Variants in IQCJ observed in about 807,000 individuals in gnomAD.
IQCJ encodes the protein IQ motif containing J, also known as IQ domain-containing protein J.
In IQCJ, 9 loss-of-function variants were observed where a neutral mutation model predicts 11.0. That is an observed-to-expected ratio of 0.82 (90% CI 0.49 to 1.43). The LOEUF (loss-of-function observed/expected upper bound fraction) is 1.43. Ranked by LOEUF, IQCJ falls within the 40% of genes most tolerant of loss-of-function variation. IQCJ has a pLI of 0.00. For synonymous variants in IQCJ, 55 were observed against 51.3 expected, an observed-to-expected ratio of 1.07 and a Z score of -0.31; for missense variants, 146 against 133.2, an observed-to-expected ratio of 1.10 and a Z score of -0.47.
intron 1 of IQCJ, among the ~76,000 whole-genome samples, chr3:159,109,533 A>AAG (rs1553776685): frequency 6.6e-6 from 1 of 151,126 alleles, no homozygotes; most frequent in Non-Finnish European, 1.5e-5. Flanking sequence ...TAACTAAAAA[A>AAG]AAAAAAAAAA....
intron 1 of IQCJ, among the ~76,000 whole-genome samples, chr3:159,179,427 C>T (rs1454637192): frequency 6.6e-6 from 1 of 152,108 alleles, no homozygotes; most frequent in African/African-American, 2.4e-5. Context: ...TTCCAGGAAC[C>T]TATCAAACTG....
intron 1 of IQCJ, among the ~76,000 whole-genome samples, chr3:159,165,676 C>T (rs1450623478): frequency 2.0e-5 from 3 of 150,894 alleles, no homozygotes; most frequent in Admixed American, 6.6e-5. Flanking sequence ...TGCAGTGGCT[C>T]GACCTCGGCT....
At chr3:159,248,702 C>T (rs758313703) in intron 2 of IQCJ, among the ~76,000 whole-genome samples, 21 of 152,126 alleles carry the variant, frequency 1.4e-4, no homozygotes, top group Non-Finnish European at 2.2e-4. Flanking sequence ...AGCTCTAACA[C>T]GGAGTTGGGG....
intron 1 of IQCJ, among the ~76,000 whole-genome samples, chr3:159,121,252 G>C (rs1256184008): frequency 1.3e-5 from 2 of 151,322 alleles, no homozygotes; most frequent in Non-Finnish European, 2.9e-5. Flanking sequence ...TCTCACCCCA[G>C]CTTCCTGAAT....
intron 1 of IQCJ, among the ~76,000 whole-genome samples, chr3:159,164,493 C>A (rs7616733): frequency 6.6e-6 from 1 of 152,152 alleles, no homozygotes; most frequent in Admixed American, 6.5e-5. Context: ...GCTCTCCAGG[C>A]GCGGTGGCTA....
downstream of IQCJ, among the ~76,000 whole-genome samples, chr3:159,264,098 A>G (rs1181124772): frequency 4.6e-5 from 7 of 152,112 alleles, no homozygotes; most frequent in African/African-American, 1.7e-4. Flanking sequence ...AATGATGGAA[A>G]CTCAATATTA....
chr3:159,110,681 C>T (rs207463951), intron 1 of IQCJ, among the ~76,000 whole-genome samples: 4 of 152,138 alleles, frequency 2.6e-5, no homozygotes, highest in East Asian at 1.9e-4. Context: ...CAGCACCCAG[C>T]GCAGTACCTG....
At chr3:159,234,634 A>G (rs938949243) in intron 1 of IQCJ, among the ~76,000 whole-genome samples, 10 of 152,184 alleles carry the variant, frequency 6.6e-5, no homozygotes, top group Admixed American at 3.3e-4. Flanking sequence ...TCTCTACAAT[A>G]ATAAAAATAA....
chr3:159,232,047 GTCTA>G (rs1358998164), intron 1 of IQCJ, among the ~76,000 whole-genome samples: 4 of 152,028 alleles, frequency 2.6e-5, no homozygotes, highest in African/African-American at 4.8e-5. Context: ...CTGGCTAGTG[GTCTA>G]TCTATTTTGT....
At chr3:159,209,868 C>T (rs962027770) in intron 1 of IQCJ, among the ~76,000 whole-genome samples, 1 of 152,206 alleles carries the variant, frequency 6.6e-6, no homozygotes, top group African/African-American at 2.4e-5. Context: ...ACCCTGCTGA[C>T]ATCACTCTGA....
chr3:159,166,926 T>C (rs1722200644), intron 1 of IQCJ, among the ~76,000 whole-genome samples: 2 of 152,218 alleles, frequency 1.3e-5, no homozygotes, highest in African/African-American at 4.8e-5. Context: ...ATGTGTCTAA[T>C]GCATCTGCAA....
intron 1 of IQCJ, among the ~76,000 whole-genome samples, chr3:159,090,500 A>G (rs1178940810): frequency 6.6e-6 from 1 of 151,734 alleles, no homozygotes; most frequent in East Asian, 1.9e-4. Flanking sequence ...TCGTCCGTAG[A>G]GTTGGTGGGT....
intron 1 of IQCJ, among the ~76,000 whole-genome samples, chr3:159,216,857 T>G (rs1423147882): frequency 3.9e-5 from 6 of 152,134 alleles, no homozygotes; most frequent in Non-Finnish European, 1.5e-5. Flanking sequence ...AGTCAATAAC[T>G]TGACTTGTGA....
intron 1 of IQCJ, among the ~76,000 whole-genome samples, chr3:159,218,340 T>TG (rs1725346578): frequency 8.2e-6 from 1 of 121,582 alleles, no homozygotes; most frequent in South Asian, 2.5e-4. Context: ...AGAGTCCCTC[T>TG]TTGTGTGTGT....
intron 1 of IQCJ, among the ~76,000 whole-genome samples, chr3:159,110,902 T>G (rs1193864975): frequency 6.6e-6 from 1 of 152,132 alleles, no homozygotes; most frequent in Non-Finnish European, 1.5e-5. Flanking sequence ...AGTCTGAAAT[T>G]GTGGTTAAAG....
At position 159,087,053 on chromosome 3, in the gene IQCJ, T is replaced by C. The variant is rs546739361; in HGVS notation, c.9+17612T>C. ...CATTCAGTATGATATTGGCTGTGGG[T>C]TTGTGATAGATAGCTCTTATTATTT... On this transcript the variant is annotated intron_variant, in intron 1 of 3. Transcript: ENST00000397832. Among the ~76,000 whole-genome samples the C allele has an allele frequency of 2.7e-3, 412 of 152,270 alleles. 4 individuals are homozygous for C. The highest frequency in any genetic ancestry group is 4.6e-3 in the Non-Finnish European group (312 of 68,026).
At chr3:159,153,922 G>T (rs1721368157) in intron 1 of IQCJ, among the ~76,000 whole-genome samples, 1 of 152,156 alleles carries the variant, frequency 6.6e-6, no homozygotes, top group Admixed American at 6.5e-5. Context: ...TGGTTCCATG[G>T]TATAACTCTT....
intron 1 of IQCJ, among the ~76,000 whole-genome samples, chr3:159,191,196 AAC>A (rs1329551836): frequency 6.6e-6 from 1 of 152,132 alleles, no homozygotes; most frequent in Non-Finnish European, 1.5e-5. Context: ...GGTAGTGAGA[AAC>A]ACAGTTCCTG....
chr3:159,236,437 C>A (rs1726596632), intron 1 of IQCJ, among the ~76,000 whole-genome samples: 1 of 152,146 alleles, frequency 6.6e-6, no homozygotes, highest in Admixed American at 6.6e-5. Context: ...AATTGTAAAG[C>A]ACATTTACAT....
Sources: gnomAD v4.1 joint callset for allele counts (sites outside exome capture counted in the v4.1 genomes callset) on GRCh38, gnomAD v4.1.1 for gene constraint, MANE v1.5 for transcripts, NCBI Gene and HGNC (gene_info 2026-07-23, HGNC 2026-07-21) for gene names.